PER3: variants seen among roughly 807,000 people sequenced by gnomAD.
PER3 encodes period circadian protein homolog 3.
PER3 carries 107 observed loss-of-function variants against 127.2 expected under a neutral mutation model. The ratio of observed to expected loss-of-function variants is 0.84; its 90% CI spans 0.72 to 0.99. The LOEUF is 0.99. Among genes scored for constraint, PER3 ranks in the 50% least tolerant of loss-of-function variants. The probability of loss-of-function intolerance (pLI) is 0.00; values close to 1 mark genes in which losing one functional copy is unlikely to be tolerated. For missense variants in PER3, 1,560 were observed against 1,525.8 expected (o/e 1.02, Z -0.37); for synonymous variants, 618 against 585.8 (o/e 1.05, Z -0.79).
At position 7,842,977 on chromosome 1, in the gene PER3, G is replaced by T; in HGVS notation, c.*222G>T. On this transcript the variant is annotated 3_prime_UTR_variant, in exon 22 of 22. Coordinates refer to ENST00000377532, the MANE Select transcript of PER3 (RefSeq NM_001377275.1). ...TAAAATGGCCAGTTAGGCTCTTTTT[G>T]TAGTTGAATTGTCTTCTAAAGAGAT... The T allele has an allele frequency of 3.1e-6, 1 of 318,128 alleles. No individual in the cohort carries two copies. Among genetic ancestry groups the T allele is most frequent in the Non-Finnish European group, 5.9e-6 (1 of 169,810 alleles). The allele number at this position is 318,128 out of a possible 1,614,324, so 19.7% of individuals were successfully genotyped here. A position where few individuals can be genotyped will look rare whatever the true frequency, so the allele number is the denominator to read the frequency against.
intron 13 of PER3, among the ~76,000 whole-genome samples, chr1:7,816,946 G>A (rs537315381): frequency 6.6e-6 from 1 of 152,326 alleles, no homozygotes; most frequent in East Asian, 1.9e-4. Flanking sequence ...GATAAGCTAT[G>A]TGTATCCACA....
At chr1:7,804,179 T>A (rs2097182832) in intron 10 of PER3, among the ~76,000 whole-genome samples, 1 of 152,104 alleles carries the variant, frequency 6.6e-6, no homozygotes, top group African/African-American at 2.4e-5. Context: ...GCATACAAAA[T>A]TATTTATACC....
In PER3 at chr1:7,814,222, ACAGT is replaced by A. The variant is rs532767801; in HGVS notation, c.1522+3638_1522+3641del. Among the ~76,000 whole-genome samples the A allele has an allele frequency of 1.0e-3, 158 of 152,364 alleles. 2 individuals are homozygous for A. Among genetic ancestry groups the A allele is most frequent in the African/African-American group, 3.3e-3 (138 of 41,590 alleles). On this transcript the variant is annotated intron_variant, in intron 13 of 21. Transcript: ENST00000377532. ...CTCAGAAGAAATAGTTGAAGAAATA[ACAGT>A]CAGGAATTTTCTACTGAGCCAAAGA...
In PER3 at chr1:7,803,702, T is replaced by C. The variant is rs1387919160; in HGVS notation, c.990T>C (p.Tyr330=). The C allele has an allele frequency of 1.9e-6, 3 of 1,597,316 alleles. No homozygotes were observed. The highest frequency in any genetic ancestry group is 1.7e-6 in the Non-Finnish European group (2 of 1,165,374). ...MVAIHQKVLK[Y]AGHPPFEHSP... ...TATTATTTTATATAGTTTTGAAGTA[T>C]GCAGGGCATCCTCCCTTTGAACATT... is the stretch of plus-strand genomic sequence containing the variant. The change falls in exon 10 of 22, where the codon TAT becomes TAC. Residue 330 remains tyrosine, a synonymous_variant. Transcript: ENST00000377532.
rs189106814 is a variant in PER3, at chr1:7,788,391, A to G, written c.592+145A>G. ...TCCTGTTATAGAAAGTCACGTGATG[A>G]AAACAGCATTTTAAAAGCTTCTGAT... On this transcript the variant is annotated intron_variant, in intron 5 of 21. Transcript: ENST00000377532. 3.8e-4 allele frequency: 238 copies of G among 626,382 alleles called. 1 individual carries two copies. Among genetic ancestry groups the G allele is most frequent in the Non-Finnish European group, 1.1e-4 (40 of 357,950 alleles). The allele number at this position is 626,382 out of a possible 1,614,324, so 38.8% of individuals were successfully genotyped here. A position where few individuals can be genotyped will look rare whatever the true frequency, so the allele number is the denominator to read the frequency against.
At chr1:7,807,823 C>T (rs2097201530) in intron 10 of PER3, among the ~76,000 whole-genome samples, 1 of 152,156 alleles carries the variant, frequency 6.6e-6, no homozygotes, top group Non-Finnish European at 1.5e-5. Context: ...CACCTGCTTC[C>T]CCCTTACCTG....
At chr1:7,831,469 A>C (rs1292652913) in intron 19 of PER3, among the ~76,000 whole-genome samples, 2 of 152,140 alleles carry the variant, frequency 1.3e-5, no homozygotes, top group Non-Finnish European at 2.9e-5. Context: ...ACTGGCTAGG[A>C]CCCACAGTGA....
intron 3 of PER3, 25 bp downstream of exon 3, chr1:7,785,611 A>G (rs1005950493): frequency 6.2e-7 from 1 of 1,602,584 alleles, no homozygotes; most frequent in Non-Finnish European, 8.5e-7. Context: ...GAGAAATTTC[A>G]TCCTACGAAT....
At chr1:7,810,367 T>C in intron 12 of PER3, 71 bp from the exon 13 acceptor site, 1 of 1,110,586 alleles carries the variant, frequency 9.0e-7, no homozygotes, top group South Asian at 1.5e-5. Context: ...GCTAAGTGTA[T>C]TTTGTTTATG....
At chr1:7,799,550 C>T (rs1275836335) in intron 7 of PER3, among the ~76,000 whole-genome samples, 11 of 143,836 alleles carry the variant, frequency 7.6e-5, no homozygotes, top group South Asian at 4.5e-4. Context: ...GCGGAGGTTG[C>T]GGTGAGCTGA....
intron 13 of PER3, 74 bp downstream of exon 13, chr1:7,810,662 T>C: frequency 7.1e-7 from 1 of 1,410,194 alleles, no homozygotes; most frequent in Non-Finnish European, 9.6e-7. Context: ...TGTATGTGAT[T>C]CGTGAGCATA....
At chr1:7,796,564 C>T (rs1286480613) in intron 6 of PER3, among the ~76,000 whole-genome samples, 3 of 152,118 alleles carry the variant, frequency 2.0e-5, no homozygotes, top group African/African-American at 7.2e-5. Flanking sequence ...ATCCAACCTC[C>T]TCGGCCTCCC....
At chr1:7,842,634 G>A (rs935615284) in intron 21 of PER3, 38 bp from the exon 22 acceptor site, 2 of 1,610,592 alleles carry the variant, frequency 1.2e-6, no homozygotes, top group Non-Finnish European at 1.7e-6. Flanking sequence ...AGGTGACATT[G>A]ACATCAAGTA....
intron 6 of PER3, among the ~76,000 whole-genome samples, chr1:7,796,595 G>C (rs1487157848): frequency 6.6e-6 from 1 of 152,086 alleles, no homozygotes; most frequent in Non-Finnish European, 1.5e-5. Context: ...GATTACAGGC[G>C]TGAGCCACCA....
intron 16 of PER3, among the ~76,000 whole-genome samples, chr1:7,825,848 G>A (rs139143018): frequency 0.01 from 1,500 of 149,934 alleles, 23 homozygotes; most frequent in African/African-American, 0.033. Flanking sequence ...CCAAGATCAC[G>A]CCATTGCACT....
At position 7,827,462 on chromosome 1, in the gene PER3, C is replaced by G. The variant is rs759695977; in HGVS notation, c.2533C>G (p.Pro845Ala). Residue 845 changes from proline to alanine, a missense_variant, in exon 18 of 22, where the codon CCA (proline) becomes GCA (alanine). This residue lies in a region of PER3 where 1,332 missense variants were observed against 1,223.6 expected (regional missense o/e 1.09). Transcript: ENST00000377532. Reference protein sequence around the residue: ...LPLSEGLQPYPAFPFPYLDTF... With the variant: ...LPLSEGLQPYAAFPFPYLDTF... ...CTTGTCCGAGGGCTTGCAGCCTTACCCAGCTTTCCCTTTTCCTTACTTGGA... is the reference window on the plus strand; with the variant it reads ...CTTGTCCGAGGGCTTGCAGCCTTACGCAGCTTTCCCTTTTCCTTACTTGGA... The G allele has an allele frequency of 3.2e-5, 52 of 1,614,102 alleles. No homozygotes were observed. The highest frequency in any genetic ancestry group is 4.2e-5 in the Non-Finnish European group (50 of 1,180,026).
At position 7,788,129 on chromosome 1, in the gene PER3, A is replaced by C. The variant is rs1171442913; in HGVS notation, c.475A>C (p.Lys159Gln). ...GGCTGCTTTGATCCTGAATCGTAAG[A>C]AAGATGTCCTGGCGTCTTCTCACTT... is the stretch of plus-strand genomic sequence containing the variant. ...EQAALILNRK[K>Q]DVLASSHFVD... Residue 159 changes from lysine to glutamine, a missense_variant, in exon 5 of 22, where the codon AAA (lysine) becomes CAA (glutamine). Transcript: ENST00000377532. 1.2e-6 allele frequency: 2 copies of C among 1,614,010 alleles called. No individual in the cohort carries two copies. Among genetic ancestry groups the C allele is most frequent in the South Asian group, 2.2e-5 (2 of 91,078 alleles).
chr1:7,828,758 A>G (rs913879777), intron 18 of PER3, among the ~76,000 whole-genome samples: 15 of 152,178 alleles, frequency 9.9e-5, no homozygotes, highest in Non-Finnish European at 1.6e-4. Flanking sequence ...TTATTAGGAA[A>G]ATGGAAAGAT....
intron 11 of PER3, 85 bp from the exon 12 acceptor site, chr1:7,809,808 A>G: frequency 7.6e-7 from 1 of 1,310,438 alleles, no homozygotes; most frequent in Admixed American, 2.4e-5. Flanking sequence ...TGTCATCTTA[A>G]TTTTTACATG....
Sources: allele counts gnomAD v4.1 joint callset (sites outside exome capture counted in the v4.1 genomes callset), GRCh38; gene constraint gnomAD v4.1.1; regional missense constraint gnomAD v4.1.1; transcripts MANE v1.5; gene names NCBI Gene and HGNC (gene_info 2026-07-23, HGNC 2026-07-21).